Variants in CRYAB observed in about 807,000 individuals in gnomAD.
CRYAB encodes crystallin alpha B.
In CRYAB, 9 loss-of-function variants were observed where a neutral mutation model predicts 12.7. The observed-to-expected ratio is 0.71, with a 90% CI of 0.43 to 1.24. CRYAB has a LOEUF of 1.24. Among genes scored for constraint, CRYAB ranks in the 50% most tolerant of loss-of-function variants. CRYAB has a pLI of 0.00. For missense variants in CRYAB, 183 were observed against 226.6 expected (o/e 0.81, Z 1.24); for synonymous variants, 93 against 86.8 (o/e 1.07, Z -0.40).
upstream of CRYAB, chr11:111,913,229 TCTC>T (rs1385611234): frequency 1.2e-4 from 71 of 583,436 alleles, no homozygotes; most frequent in Middle Eastern, 2.9e-4. Context: ...TCCTCCTCCT[TCTC>T]CTCCTCCTCC....
rs782207762 is a variant in CRYAB at position 111,911,510 on chromosome 11, G to T, written c.201+14C>A. ...CAGTAAGGACTCTCCCGTCCTAGCTGTGGGGAGACTCACCTCTGAGAGTCC... is the reference window on the plus strand; with the variant it reads ...CAGTAAGGACTCTCCCGTCCTAGCTTTGGGGAGACTCACCTCTGAGAGTCC... On this transcript the variant is annotated intron_variant, in intron 1 of 2. Coordinates refer to ENST00000650687, the MANE Select transcript of CRYAB (RefSeq NM_001289808.2). 1.9e-6 allele frequency: 3 copies of T among 1,603,752 alleles called. No homozygotes were observed. The South Asian group carries it at 3.4e-5, about 18-fold the overall frequency.
chr11:111,912,726 GC>G, upstream of CRYAB: 1 of 285,750 alleles, frequency 3.5e-6, no homozygotes. Flanking sequence ...TGTCGACCCC[GC>G]CCCCACCTCC....
At chr11:111,915,880 C>G (rs1965590333), upstream of CRYAB, among the ~76,000 whole-genome samples, 7 of 152,218 alleles carry the variant, frequency 4.6e-5, no homozygotes, top group South Asian at 1.5e-3. Flanking sequence ...GTAGCTGGGA[C>G]TACAGGTGTG....
At chr11:111,914,141 A>T, upstream of CRYAB, 6 of 429,698 alleles carry the variant, frequency 1.4e-5, no homozygotes, top group East Asian at 3.9e-5. Flanking sequence ...TGGGATGGGG[A>T]GGGAGGGAGG....
upstream of CRYAB, among the ~76,000 whole-genome samples, chr11:111,915,089 G>C (rs1287962031): frequency 6.6e-6 from 1 of 152,066 alleles, no homozygotes; most frequent in Non-Finnish European, 1.5e-5. Context: ...AAATTGAATT[G>C]AATTAAATTA....
At chr11:111,913,836 C>T (rs143011638), upstream of CRYAB, 1 of 1,613,992 alleles carries the variant, frequency 6.2e-7, no homozygotes, top group African/African-American at 1.3e-5. Flanking sequence ...CTACATCTCC[C>T]TGCTCCCTGC....
Position 111,911,748 on chromosome 11 carries a change from T to A in CRYAB, c.-24A>T. 5 of 1,521,310 alleles carry A rather than the reference T, an allele frequency of 3.3e-6. No individual in the cohort carries two copies. Among genetic ancestry groups the A allele is most frequent in the Non-Finnish European group, 4.5e-6 (5 of 1,114,922 alleles). 94.2% of individuals were successfully genotyped at this position (1,521,310 alleles called of 1,614,324 possible). On this transcript the variant is annotated 5_prime_UTR_variant, in exon 1 of 3. Coordinates refer to ENST00000650687, the MANE Select transcript of CRYAB (RefSeq NM_001289808.2). ...ATGGTGGCTAGGTGAGTGTGAGGGGTCAGCTGGCTGGTCAGCTCCTTCAGC... is the reference window on the plus strand; with the variant it reads ...ATGGTGGCTAGGTGAGTGTGAGGGGACAGCTGGCTGGTCAGCTCCTTCAGC...
At chr11:111,909,760 T>C (rs1965393511) in intron 2 of CRYAB, 2 of 222,102 alleles carry the variant, frequency 9.0e-6, no homozygotes, top group South Asian at 1.5e-4. Context: ...GAGACACGGA[T>C]TCTTGCACAG....
At chr11:111,913,229 T>C (rs1323256351), upstream of CRYAB, 22 of 584,848 alleles carry the variant, frequency 3.8e-5, no homozygotes, top group African/African-American at 2.1e-4. Context: ...TCCTCCTCCT[T>C]CTCCTCCTCC....
rs781873000 is a variant in CRYAB at position 111,919,010 on chromosome 11, T to G, written c.-199+4693A>C. ...GTCTGCTGCGGAGGAAGCTGGTGAG[T>G]AGGCTGGAAGGGCAAAGGGGAACAT... On this transcript the variant is annotated intron_variant, in intron 1 of 3. Coordinates refer to the CRYAB transcript ENST00000527950. 13 of 1,613,860 alleles carry G rather than the reference T, an allele frequency of 8.1e-6. No homozygotes were observed. In the Admixed American group the frequency reaches 2.2e-4, roughly 27 times the overall value.
At chr11:111,923,271 G>A (rs1566426825) in intron 1 of CRYAB, among the ~76,000 whole-genome samples, 2 of 152,188 alleles carry the variant, frequency 1.3e-5, no homozygotes, top group Admixed American at 6.5e-5. Context: ...AGTTTGGCTG[G>A]AGACTCAACT....
chr11:111,910,832 C>T, intron 1 of CRYAB: 1 of 337,680 alleles, frequency 3.0e-6, no homozygotes, highest in East Asian at 7.5e-5. Flanking sequence ...TTTCCACCCA[C>T]CCAATCTGGA....
At chr11:111,921,745 T>C (rs906384523) in intron 1 of CRYAB, among the ~76,000 whole-genome samples, 3 of 152,254 alleles carry the variant, frequency 2.0e-5, no homozygotes, top group Admixed American at 2.0e-4. Context: ...TCATGCTTAT[T>C]ATATGCTAGG....
intron 1 of CRYAB, among the ~76,000 whole-genome samples, chr11:111,920,434 A>G (rs893880379): frequency 6.6e-6 from 1 of 152,038 alleles, no homozygotes. Context: ...GCTACTTGAG[A>G]AGCTAAGGCA....
rs1444587158 is a variant in CRYAB at position 111,911,671 on chromosome 11, G to A, written c.54C>T (p.His18=). ...ACTGGTCAAAGAGGCGGCTGGGGGAGTGGAAAGGAAAGAAGGGGCGGCGGA... is the reference window on the plus strand; with the variant it reads ...ACTGGTCAAAGAGGCGGCTGGGGGAATGGAAAGGAAAGAAGGGGCGGCGGA... The part of the protein sequence containing the change: ...PWIRRPFFPF[H]SPSRLFDQFF... The change falls in exon 1 of 3, where the codon CAC becomes CAT. Residue 18 remains histidine (H), a synonymous_variant. Transcript: ENST00000650687. The A allele has an allele frequency of 3.1e-6, 5 of 1,607,664 alleles. No individual in the cohort carries two copies. Among genetic ancestry groups the A allele is most frequent in the Non-Finnish European group, 4.2e-6 (5 of 1,177,348 alleles).
At position 111,921,265 on chromosome 11, in the gene CRYAB, G is replaced by A. The variant is rs587706834; in HGVS notation, c.-199+2438C>T. On this transcript the variant is annotated intron_variant, in intron 1 of 3. Transcript: ENST00000527950. Reference sequence around the variant, plus strand: ...TTATTAAACAGTGTTTATTGAACATGTACTACAGGCACAGTGATAGACACA... The same window carrying A: ...TTATTAAACAGTGTTTATTGAACATATACTACAGGCACAGTGATAGACACA... Among the ~76,000 whole-genome samples the A allele has an allele frequency of 3.9e-5, 6 of 152,324 alleles. No homozygotes were observed. The South Asian group carries it at 1.2e-3, about 32-fold the overall frequency.
chr11:111,919,151 G>A (rs2137397034), intron 1 of CRYAB: 1 of 885,606 alleles, frequency 1.1e-6, no homozygotes, highest in East Asian at 2.7e-5. Context: ...CAACACCAGA[G>A]CAGCACCTCC....
At chr11:111,911,352 A>T (rs1394605520) in intron 1 of CRYAB, among the ~76,000 whole-genome samples, 172 bp downstream of exon 1, 2 of 152,214 alleles carry the variant, frequency 1.3e-5, no homozygotes, top group Non-Finnish European at 2.9e-5. Flanking sequence ...AGGACTATCA[A>T]ATAGAAACAG....
rs782481381 is a variant in CRYAB, at chr11:111,911,608, C to A, written c.117G>T (p.Pro39=). The A allele has an allele frequency of 6.2e-7, 1 of 1,612,904 alleles. No homozygotes were observed. Among genetic ancestry groups the A allele is most frequent in the East Asian group, 2.2e-5 (1 of 44,838 alleles). The change falls in exon 1 of 3, where the codon CCG becomes CCT. Residue 39 remains proline, a synonymous_variant. Coordinates refer to ENST00000650687, the MANE Select transcript of CRYAB (RefSeq NM_001289808.2). ...AGAAGGGACTCAGGGAAGTAGACGT[C>A]GGGAAAAGATCAGACTCCAACAGGT... ...GEHLLESDLF[P]TSTSLSPFYL...
Sources: gnomAD v4.1 joint callset for allele counts (sites outside exome capture counted in the v4.1 genomes callset) on GRCh38, gnomAD v4.1.1 for gene constraint, MANE v1.5 for transcripts, NCBI Gene and HGNC (gene_info 2026-07-23, HGNC 2026-07-21) for gene names.